Variants in CLDN10 observed in about 807,000 individuals in gnomAD.
The protein encoded by CLDN10 is claudin-10.
In CLDN10, 15 loss-of-function variants were observed where a neutral mutation model predicts 22.9. The observed-to-expected ratio is 0.65, with a 90% CI of 0.44 to 1.01. The LOEUF (loss-of-function observed/expected upper bound fraction) is 1.01, where lower values mean the gene tolerates loss of function less well. CLDN10 is among the 50% of genes least tolerant of loss of function. The pLI is 0.00. For missense variants in CLDN10, 247 were observed against 287.8 expected (o/e 0.86, Z 1.03); for synonymous variants, 114 against 111.4 (o/e 1.02, Z -0.15).
intron 1 of CLDN10, among the ~76,000 whole-genome samples, chr13:95,513,688 C>CGAGAAACTGAGAAAATGA (rs1555294612): frequency 1.3e-5 from 2 of 152,164 alleles, no homozygotes; most frequent in Non-Finnish European, 2.9e-5. Context: ...ATCATTCATT[C>CGAGAAACTGAGAAAATGA]ATAGATACAT....
intron 1 of CLDN10, among the ~76,000 whole-genome samples, chr13:95,488,029 A>G (rs1214194771): frequency 3.3e-5 from 5 of 151,006 alleles, no homozygotes; most frequent in Non-Finnish European, 7.4e-5. Context: ...TCTGTCACCC[A>G]GGCTGGAGTG....
chr13:95,457,615 A>G (rs77008184), intron 1 of CLDN10, among the ~76,000 whole-genome samples: 13,672 of 152,100 alleles, frequency 0.09, 872 homozygotes, highest in South Asian at 0.22. Context: ...AAATGACCTT[A>G]GTTCTTCCCA....
At chr13:95,512,582 C>T (rs2043116351) in intron 1 of CLDN10, among the ~76,000 whole-genome samples, 1 of 152,198 alleles carries the variant, frequency 6.6e-6, no homozygotes, top group Admixed American at 6.5e-5. Flanking sequence ...TTGTGCCACA[C>T]AGGATGCTGT....
At chr13:95,490,968 G>C (rs1209867431) in intron 1 of CLDN10, among the ~76,000 whole-genome samples, 2 of 152,154 alleles carry the variant, frequency 1.3e-5, no homozygotes, top group Non-Finnish European at 2.9e-5. Context: ...GTTTAGGATT[G>C]TGATAGCTTC....
chr13:95,438,061 T>A (rs1431159684), intron 1 of CLDN10, among the ~76,000 whole-genome samples: 1 of 152,136 alleles, frequency 6.6e-6, no homozygotes, highest in Non-Finnish European at 1.5e-5. Flanking sequence ...TGTTTTTAAT[T>A]TTTGTTTTTT....
At chr13:95,558,921 G>A (rs1369850373) in intron 1 of CLDN10, among the ~76,000 whole-genome samples, 1 of 151,990 alleles carries the variant, frequency 6.6e-6, no homozygotes, top group South Asian at 2.1e-4. Context: ...GTGAGATCCT[G>A]TGTTAAAAAA....
intron 1 of CLDN10, among the ~76,000 whole-genome samples, chr13:95,445,627 C>T (rs923640876): frequency 6.6e-6 from 1 of 152,222 alleles, no homozygotes; most frequent in African/African-American, 2.4e-5. Flanking sequence ...CCTCTAGTTC[C>T]TTCTCCTAGT....
At chr13:95,471,762 CT>C (rs1161062482) in intron 1 of CLDN10, among the ~76,000 whole-genome samples, 1 of 151,220 alleles carries the variant, frequency 6.6e-6, no homozygotes, top group Non-Finnish European at 1.5e-5. Flanking sequence ...TTTTTTTTCT[CT>C]TTTAAACAGA....
chr13:95,540,516 T>C (rs2043449479), intron 1 of CLDN10, among the ~76,000 whole-genome samples: 2 of 152,112 alleles, frequency 1.3e-5, no homozygotes, highest in Admixed American at 6.6e-5. Context: ...AAGCTTACTT[T>C]TAAGAACTGC....
intron 1 of CLDN10, among the ~76,000 whole-genome samples, chr13:95,511,015 T>C (rs1247651697): frequency 6.6e-6 from 1 of 152,160 alleles, no homozygotes; most frequent in East Asian, 1.9e-4. Flanking sequence ...AAATCTAATA[T>C]AAAAGTACTC....
chr13:95,455,613 A>C lies in CLDN10; in HGVS notation c.214+21566A>C, dbSNP rs546168056. ...GGTGAATGGATTTATTTATTCATGAATAAATTCTTTATTCATGAAAGAACT... is the reference window on the plus strand; with the variant it reads ...GGTGAATGGATTTATTTATTCATGACTAAATTCTTTATTCATGAAAGAACT... On this transcript the variant is annotated intron_variant, in intron 1 of 4. Coordinates refer to the CLDN10 transcript ENST00000376873. Among the ~76,000 whole-genome samples, 421 of 152,364 alleles carry C rather than the reference A, an allele frequency of 2.8e-3. 2 individuals are homozygous for C. The highest frequency in any genetic ancestry group is 0.017 in the Middle Eastern group (5 of 294).
intron 1 of CLDN10, among the ~76,000 whole-genome samples, chr13:95,492,205 G>T (rs1437062872): frequency 1.3e-5 from 2 of 151,982 alleles, no homozygotes; most frequent in Non-Finnish European, 2.9e-5. Context: ...AGGGACTGGT[G>T]GTGGGTGGGG....
intron 1 of CLDN10, among the ~76,000 whole-genome samples, chr13:95,484,014 C>G (rs9302074): frequency 0.59 from 90,228 of 151,998 alleles, 28,020 homozygotes; most frequent in African/African-American, 0.79. Context: ...AGAAGACATT[C>G]TCTATCAGTT....
chr13:95,495,511 G>A (rs1162858719), intron 1 of CLDN10, among the ~76,000 whole-genome samples: 3 of 151,482 alleles, frequency 2.0e-5, no homozygotes, highest in South Asian at 2.1e-4. Flanking sequence ...TTGGGAGGCC[G>A]AGGTGGGTGG....
intron 1 of CLDN10, among the ~76,000 whole-genome samples, chr13:95,530,439 C>A (rs955284490): frequency 6.6e-6 from 1 of 152,164 alleles, no homozygotes; most frequent in Non-Finnish European, 1.5e-5. Flanking sequence ...GACTCAAGAG[C>A]AGGCAAATCC....
intron 1 of CLDN10, among the ~76,000 whole-genome samples, chr13:95,523,732 A>G (rs2043245761): frequency 6.6e-6 from 1 of 152,184 alleles, no homozygotes; most frequent in Non-Finnish European, 1.5e-5. Context: ...GCAAGCCACC[A>G]ATGCCCGGCT....
chr13:95,537,479 A>T lies in CLDN10; in HGVS notation c.215-22653A>T, dbSNP rs1025448741. 2.6e-5 allele frequency among the ~76,000 whole-genome samples: 4 copies of T among 152,286 alleles called. No homozygotes were observed. The East Asian group carries it at 7.7e-4, about 29-fold the overall frequency. ...TTGTGTACGTTTTCTGATGGGGATG[A>T]TATGCCAAAAAGGTGCTGAAGTAGA... On this transcript the variant is annotated intron_variant, in intron 1 of 4. Transcript: ENST00000376873.
At chr13:95,554,277 T>C (rs1216858385) in intron 1 of CLDN10, among the ~76,000 whole-genome samples, 5 of 152,246 alleles carry the variant, frequency 3.3e-5, no homozygotes, top group African/African-American at 1.2e-4. Context: ...CTCTTGTTCC[T>C]GTGATTTATA....
Position 95,578,300 on chromosome 13 carries a change from G to T in CLDN10, c.*286G>T. The stretch of plus-strand genomic sequence containing the variant: ...AAAGCATTTAGTACCAAAGGTTCAA[G>T]AAGTATTCGTACTCTAGCCTTTTTA... On this transcript the variant is annotated 3_prime_UTR_variant, in exon 5 of 5. Coordinates refer to ENST00000299339, the MANE Select transcript of CLDN10 (RefSeq NM_006984.5). 4.5e-6 allele frequency: 1 copy of T among 223,230 alleles called. No homozygotes were observed. The highest frequency in any genetic ancestry group is 8.8e-6 in the Non-Finnish European group (1 of 113,112). 13.8% of individuals were successfully genotyped at this position (223,230 alleles called of 1,614,324 possible). A position where few individuals can be genotyped will look rare whatever the true frequency, so the allele number is the denominator to read the frequency against.
Sources: allele counts gnomAD v4.1 joint callset (sites outside exome capture counted in the v4.1 genomes callset), GRCh38; gene constraint gnomAD v4.1.1; transcripts MANE v1.5; gene names NCBI Gene and HGNC (gene_info 2026-07-23, HGNC 2026-07-21).